Variants in SLC25A13 observed in about 807,000 individuals in gnomAD.
SLC25A13 encodes the protein solute carrier family 25 member 13, also known as electrogenic aspartate/glutamate antiporter SLC25A13, mitochondrial.
Under a neutral mutation model 85.5 loss-of-function variants are expected in SLC25A13, and 70 were observed. The observed-to-expected ratio is 0.82, with a 90% confidence interval of 0.68 to 1.00. SLC25A13 has a LOEUF of 1.00. SLC25A13 is among the 50% of genes least tolerant of loss of function. SLC25A13 has a pLI of 0.00. For missense variants in SLC25A13, 765 were observed against 819.8 expected (o/e 0.93, Z 0.82); for synonymous variants, 259 against 288.7 (o/e 0.90, Z 1.04).
In SLC25A13 at chr7:96,321,888, AC is replaced by A. The variant is rs987350906; in HGVS notation, c.15+53del. 7.4e-6 allele frequency: 11 copies of A among 1,496,108 alleles called. No homozygotes were observed. The African/African-American group carries it at 1.0e-4, about 14-fold the overall frequency. The allele number at this position is 1,496,108 out of a possible 1,614,324, so 92.7% of individuals were successfully genotyped here. On this transcript the variant is annotated intron_variant, in intron 1 of 17. Coordinates refer to ENST00000265631, the MANE Select transcript of SLC25A13 (RefSeq NM_014251.3). ...ACACGTGAGCGCCCGAGCCTCTCGC[AC>A]CCCCAGGCTGATCCGGCAGGCGCGC...
At chr7:96,267,299 T>C (rs773362436) in intron 3 of SLC25A13, among the ~76,000 whole-genome samples, 2 of 152,242 alleles carry the variant, frequency 1.3e-5, no homozygotes, top group African/African-American at 2.4e-5. Context: ...AACATTATTA[T>C]ATCCTCCTTC....
At chr7:96,241,037 G>A (rs866540881) in intron 3 of SLC25A13, among the ~76,000 whole-genome samples, 5 of 80,672 alleles carry the variant, frequency 6.2e-5, no homozygotes, top group Non-Finnish European at 9.5e-5. Context: ...AAGAAAGAAA[G>A]GAAAGAAAGA....
chr7:96,171,664 T>C, intron 11 of SLC25A13, 140 bp from the exon 12 acceptor site: 1 of 725,006 alleles, frequency 1.4e-6, no homozygotes, highest in Non-Finnish European at 2.4e-6. Context: ...AATGAGAATA[T>C]TTGAAATGGA....
At chr7:96,189,552 CAAAA>C (rs11335226) in intron 8 of SLC25A13, 25 bp downstream of exon 8, 890 of 1,414,970 alleles carry the variant, frequency 6.3e-4, no homozygotes, top group Non-Finnish European at 6.9e-4. Context: ...AAGCTAATTC[CAAAA>C]AAAAAAAAAA....
chr7:96,222,433 C>T (rs575169495), intron 4 of SLC25A13, among the ~76,000 whole-genome samples: 96 of 152,196 alleles, frequency 6.3e-4, no homozygotes, highest in African/African-American at 2.2e-3. Flanking sequence ...CCAAACAGTT[C>T]TTTCTGTATT....
At chr7:96,138,077 TGAGTTTTGCTAGTCTAAAAAA>T (rs1792359118) in intron 14 of SLC25A13, among the ~76,000 whole-genome samples, 1 of 152,212 alleles carries the variant, frequency 6.6e-6, no homozygotes, top group Admixed American at 6.5e-5. Context: ...ACACACTTTC[TGAGTTTTGCTAGTCTAAAAAA>T]TATCTTTACC....
chr7:96,282,326 A>C (rs1486836244), intron 2 of SLC25A13, among the ~76,000 whole-genome samples: 1 of 152,144 alleles, frequency 6.6e-6, no homozygotes, highest in Non-Finnish European at 1.5e-5. Context: ...AGTCACAGTA[A>C]ATTGATAAAG....
chr7:96,214,614 C>G (rs1056478835), intron 4 of SLC25A13, among the ~76,000 whole-genome samples: 1 of 152,066 alleles, frequency 6.6e-6, no homozygotes, highest in Non-Finnish European at 1.5e-5. Context: ...GTAATCCCAG[C>G]TACTCAGGAG....
chr7:96,264,883 G>A, intron 3 of SLC25A13, among the ~76,000 whole-genome samples: 1 of 152,124 alleles, frequency 6.6e-6, no homozygotes, highest in East Asian at 1.9e-4. Context: ...AAAATTTAGT[G>A]AGAAAAGCAG....
chr7:96,189,032 TG>T (rs540241802), intron 9 of SLC25A13, among the ~76,000 whole-genome samples: 2 of 152,236 alleles, frequency 1.3e-5, no homozygotes, highest in Non-Finnish European at 2.9e-5. Flanking sequence ...ACCTCCTTCA[TG>T]TTTTCGGAGC....
rs909974552 is a variant in SLC25A13 at position 96,193,202 on chromosome 7, A to G, written c.469-19T>C. 2.5e-6 allele frequency: 4 copies of G among 1,613,040 alleles called. No individual in the cohort carries two copies. The highest frequency in any genetic ancestry group is 3.4e-6 in the Non-Finnish European group (4 of 1,179,340). ...GTATTTCCTACAAATAAAGAAAGTAAAATACTTAATTTATGCTTCTCATTT... is the reference window on the plus strand; with the variant it reads ...GTATTTCCTACAAATAAAGAAAGTAGAATACTTAATTTATGCTTCTCATTT... On this transcript the variant is annotated intron_variant, in intron 5 of 17. Coordinates refer to ENST00000265631, the MANE Select transcript of SLC25A13 (RefSeq NM_014251.3).
At chr7:96,268,290 A>AG (rs1798110794) in intron 3 of SLC25A13, among the ~76,000 whole-genome samples, 1 of 152,250 alleles carries the variant, frequency 6.6e-6, no homozygotes, top group Admixed American at 6.5e-5. Context: ...TGCTCTTAAC[A>AG]GGTAAGTTGT....
intron 3 of SLC25A13, among the ~76,000 whole-genome samples, chr7:96,240,971 A>AAGG (rs1796948809): frequency 1.8e-5 from 1 of 56,972 alleles, no homozygotes; most frequent in African/African-American, 6.6e-5. Flanking sequence ...CGAAAGCCGA[A>AAGG]AGGAGAGGAG....
At chr7:96,156,580 T>C (rs1793273241) in intron 13 of SLC25A13, among the ~76,000 whole-genome samples, 1 of 152,160 alleles carries the variant, frequency 6.6e-6, no homozygotes, top group Non-Finnish European at 1.5e-5. Flanking sequence ...GCCTCCCAAG[T>C]AGCTGGGAAT....
intron 2 of SLC25A13, among the ~76,000 whole-genome samples, chr7:96,288,556 G>A (rs1371669087): frequency 1.3e-5 from 2 of 152,146 alleles, no homozygotes; most frequent in African/African-American, 4.8e-5. Flanking sequence ...CTGGAAAATC[G>A]GGTCACTCCC....
At chr7:96,293,077 C>T (rs1799191252) in intron 2 of SLC25A13, among the ~76,000 whole-genome samples, 1 of 152,170 alleles carries the variant, frequency 6.6e-6, no homozygotes, top group Admixed American at 6.5e-5. Context: ...GGTACCAAAA[C>T]AGAGACATAG....
chr7:96,251,457 A>G (rs1386435081), intron 3 of SLC25A13, among the ~76,000 whole-genome samples: 1 of 152,206 alleles, frequency 6.6e-6, no homozygotes. Flanking sequence ...ATTTGGTGAG[A>G]AGTTATTACA....
chr7:96,301,209 T>C (rs1203141615), intron 1 of SLC25A13, among the ~76,000 whole-genome samples: 1 of 152,216 alleles, frequency 6.6e-6, no homozygotes, highest in Non-Finnish European at 1.5e-5. Context: ...CTTAGTTCAT[T>C]CTTGGGCTTT....
rs1799505327 is a variant in SLC25A13, at chr7:96,300,329, A to C, written c.16-3378T>G. On this transcript the variant is annotated intron_variant, in intron 1 of 17. Coordinates refer to ENST00000265631, the MANE Select transcript of SLC25A13 (RefSeq NM_014251.3). Reference sequence around the variant, plus strand: ...ACCTCATAAACTCACTGGCCATGTGACTTGGAGGCCCTGACCTCTCAGCCT... The same window carrying C: ...ACCTCATAAACTCACTGGCCATGTGCCTTGGAGGCCCTGACCTCTCAGCCT... Among the ~76,000 whole-genome samples, 2 of 152,250 alleles carry C rather than the reference A, an allele frequency of 1.3e-5. 1 individual carries two copies. The highest frequency in any genetic ancestry group is 4.2e-4 in the South Asian group (2 of 4,810).
Sources: allele counts gnomAD v4.1 joint callset (sites outside exome capture counted in the v4.1 genomes callset), GRCh38; gene constraint gnomAD v4.1.1; transcripts MANE v1.5; gene names NCBI Gene and HGNC (gene_info 2026-07-23, HGNC 2026-07-21).